Variants in IMPA1 observed in about 807,000 individuals in gnomAD.
IMPA1 encodes D-galactose 1-phosphate phosphatase.
IMPA1 carries 21 observed loss-of-function variants against 34.9 expected under a neutral mutation model. The ratio of observed to expected loss-of-function variants is 0.60; its 90% CI spans 0.43 to 0.87. IMPA1 has a LOEUF of 0.87. Ranked by LOEUF, IMPA1 falls within the 40% of genes least tolerant of loss-of-function variation. The pLI is 0.00. For missense variants in IMPA1, 299 were observed against 336.4 expected (o/e 0.89, Z 0.87); for synonymous variants, 95 against 104.4 (o/e 0.91, Z 0.55).
chr8:81,665,007 G>A (rs1288621335), intron 7 of IMPA1, among the ~76,000 whole-genome samples: 1 of 151,866 alleles, frequency 6.6e-6, no homozygotes, highest in African/African-American at 2.4e-5. Context: ...TGCACAGAAA[G>A]GCACAACTGG....
intron 1 of IMPA1, 133 bp from the exon 2 acceptor site, chr8:81,681,717 C>G: frequency 1.7e-6 from 1 of 579,082 alleles, no homozygotes; most frequent in South Asian, 2.2e-5. Context: ...AAGATTTATG[C>G]CTATACCCAG....
chr8:81,660,749 T>A, intron 7 of IMPA1, 82 bp from the exon 8 acceptor site: 1 of 1,145,392 alleles, frequency 8.7e-7, no homozygotes, highest in Non-Finnish European at 1.2e-6. Context: ...ACTTTAAGTG[T>A]CGATTGAAGA....
Position 81,659,030 on chromosome 8 carries a change from C to T in IMPA1, c.*321G>A, listed in dbSNP as rs1410895398. 4 of 315,956 alleles carry T rather than the reference C, an allele frequency of 1.3e-5. No individual in the cohort carries two copies. The highest frequency in any genetic ancestry group is 9.0e-5 in the African/African-American group (4 of 44,564). The allele number at this position is 315,956 out of a possible 1,614,324, so 19.6% of individuals were successfully genotyped here. On this transcript the variant is annotated 3_prime_UTR_variant, in exon 9 of 9. Coordinates refer to ENST00000256108, the MANE Select transcript of IMPA1 (RefSeq NM_005536.4). Reference sequence around the variant, plus strand: ...GTGTCTCTGCACCTATATACTAAGTCAAAATTTCAGGGGACCATAGATATT... The same window carrying T: ...GTGTCTCTGCACCTATATACTAAGTTAAAATTTCAGGGGACCATAGATATT...
chr8:81,669,920 G>T (rs1806940234), intron 7 of IMPA1, among the ~76,000 whole-genome samples: 1 of 152,288 alleles, frequency 6.6e-6, no homozygotes, highest in South Asian at 2.1e-4. Flanking sequence ...ATAGGACTAG[G>T]ACTGGTGGCT....
intron 7 of IMPA1, among the ~76,000 whole-genome samples, chr8:81,665,800 A>G (rs1806802902): frequency 6.6e-6 from 1 of 152,236 alleles, no homozygotes; most frequent in African/African-American, 2.4e-5. Flanking sequence ...GCAAGGCAAC[A>G]GTGAAAGAAC....
At chr8:81,671,545 T>C (rs1284999004) in intron 6 of IMPA1, among the ~76,000 whole-genome samples, 1 of 152,178 alleles carries the variant, frequency 6.6e-6, no homozygotes, top group Admixed American at 6.5e-5. Flanking sequence ...TGGAGATGTA[T>C]GTTCACCAGC....
At chr8:81,669,310 G>T (rs1441747180) in intron 7 of IMPA1, among the ~76,000 whole-genome samples, 1 of 152,106 alleles carries the variant, frequency 6.6e-6, no homozygotes, top group African/African-American at 2.4e-5. Flanking sequence ...AGCATGCAAG[G>T]TACACCTTGG....
chr8:81,685,257 A>AAGTATAGATACTATATATAGTATATAT (rs1563593253), intron 1 of IMPA1, among the ~76,000 whole-genome samples: 19 of 76,312 alleles, frequency 2.5e-4, no homozygotes, highest in Non-Finnish European at 3.2e-4. Context: ...TACTATACAT[A>AAGTATAGATACTATATATAGTATATAT]AGTATAGATA....
intron 1 of IMPA1, among the ~76,000 whole-genome samples, chr8:81,683,162 G>C (rs1807349661): frequency 6.6e-6 from 1 of 152,180 alleles, no homozygotes; most frequent in African/African-American, 2.4e-5. Context: ...TAACTGAACA[G>C]CCTAAGAGTG....
intron 7 of IMPA1, among the ~76,000 whole-genome samples, chr8:81,665,118 C>CG (rs1806783306): frequency 6.6e-6 from 1 of 151,816 alleles, no homozygotes; most frequent in Non-Finnish European, 1.5e-5. Context: ...AAACATCGAA[C>CG]GCTGTTAATA....
chr8:81,683,192 A>C (rs1807350500), intron 1 of IMPA1, among the ~76,000 whole-genome samples: 1 of 152,332 alleles, frequency 6.6e-6, no homozygotes, highest in Non-Finnish European at 1.5e-5. Context: ...ATTAAGGGAA[A>C]CAGGAGAGAT....
chr8:81,657,285 C>T lies in IMPA1; in HGVS notation c.*2066G>A, dbSNP rs1159622762. Among the ~76,000 whole-genome samples, 4 of 152,164 alleles carry T rather than the reference C, an allele frequency of 2.6e-5. No homozygotes were observed. The highest frequency in any genetic ancestry group is 2.0e-4 in the Admixed American group (3 of 15,266). ...CAAGTTTCAAATATTTGTAACTCAACACAAAAACCTCTAAAAGTATGTTGG... is the reference window on the plus strand; with the variant it reads ...CAAGTTTCAAATATTTGTAACTCAATACAAAAACCTCTAAAAGTATGTTGG... On this transcript the variant is annotated 3_prime_UTR_variant, in exon 9 of 9. Transcript: ENST00000256108.
At chr8:81,676,026 T>C (rs1338621542) in intron 5 of IMPA1, among the ~76,000 whole-genome samples, 1 of 152,250 alleles carries the variant, frequency 6.6e-6, no homozygotes, top group African/African-American at 2.4e-5. Context: ...ATTTTCTTCT[T>C]ACAACTCCTG....
rs1389406101 is a variant in IMPA1, at chr8:81,658,613, T to C, written c.*738A>G. 1 of 152,628 alleles carries C rather than the reference T, an allele frequency of 6.6e-6. No homozygotes were observed. The highest frequency in any genetic ancestry group is 2.4e-5 in the African/African-American group (1 of 41,460). 9.5% of individuals were successfully genotyped at this position (152,628 alleles called of 1,614,324 possible). ...CAATTTAACTGTTTTGGAAAATGTA[T>C]TCACTGCAGAAATGCCCACAATAAG... On this transcript the variant is annotated 3_prime_UTR_variant, in exon 9 of 9. Transcript: ENST00000256108.
At chr8:81,682,212 A>C (rs951721603) in intron 1 of IMPA1, among the ~76,000 whole-genome samples, 18 of 152,096 alleles carry the variant, frequency 1.2e-4, no homozygotes, top group Admixed American at 2.6e-4. Flanking sequence ...GGAAAAAAAA[A>C]CCCAACATAT....
At chr8:81,660,465 ACAAAAGTC>A (rs1281918645) in intron 8 of IMPA1, 43 bp downstream of exon 8, 1 of 1,561,964 alleles carries the variant, frequency 6.4e-7, no homozygotes. Context: ...CTACATATGG[ACAAAAGTC>A]CAACAGATGT....
intron 7 of IMPA1, among the ~76,000 whole-genome samples, chr8:81,660,923 A>C (rs538952549): frequency 5.3e-5 from 8 of 152,380 alleles, no homozygotes; most frequent in African/African-American, 1.9e-4. Context: ...TTTCATAAAA[A>C]ATAAAGACAA....
intron 7 of IMPA1, among the ~76,000 whole-genome samples, chr8:81,661,297 T>A (rs563048939): frequency 4.0e-4 from 61 of 152,374 alleles, no homozygotes; most frequent in African/African-American, 1.4e-3. Context: ...GTGAGTCTGA[T>A]AATTTACAGA....
In IMPA1 at chr8:81,657,107, CT is replaced by C. The variant is rs1217098969; in HGVS notation, c.*2243del. Among the ~76,000 whole-genome samples, 2 of 152,098 alleles carry C rather than the reference CT, an allele frequency of 1.3e-5. No homozygotes were observed. The highest frequency in any genetic ancestry group is 4.8e-5 in the African/African-American group (2 of 41,404). On this transcript the variant is annotated 3_prime_UTR_variant, in exon 9 of 9. Coordinates refer to ENST00000256108, the MANE Select transcript of IMPA1 (RefSeq NM_005536.4). ...TTAGATAATTCACTTGTCGATCATCCTTTTTCAGCATCTAAAGAAATTTCAG... is the reference window on the plus strand; with the variant it reads ...TTAGATAATTCACTTGTCGATCATCCTTTTCAGCATCTAAAGAAATTTCAG...
Sources: gnomAD v4.1 joint callset for allele counts (sites outside exome capture counted in the v4.1 genomes callset) on GRCh38, gnomAD v4.1.1 for gene constraint, MANE v1.5 for transcripts, NCBI Gene and HGNC (gene_info 2026-07-23, HGNC 2026-07-21) for gene names.